The following POFUT3 variants were observed in gnomAD, a reference collection of about 807,000 sequenced individuals.
POFUT3 encodes the protein protein O-fucosyltransferase 3.
chr8:33,351,016 C>T, the POFUT3 span, among the ~76,000 whole-genome samples: 2 of 152,124 alleles, frequency 1.3e-5, no homozygotes, highest in East Asian at 1.9e-4. Context: ...CACTCTGTTG[C>T]CCAGGCTGGA....
the POFUT3 span, among the ~76,000 whole-genome samples, chr8:33,318,338 A>G: frequency 6.6e-6 from 1 of 150,850 alleles, no homozygotes; most frequent in Admixed American, 6.8e-5. Flanking sequence ...ATAAATATTT[A>G]TACAAATCCT....
At chr8:33,338,264 C>A in the POFUT3 span, among the ~76,000 whole-genome samples, 6 of 152,220 alleles carry the variant, frequency 3.9e-5, no homozygotes, top group South Asian at 1.2e-3. Context: ...AATCGGAAAT[C>A]AGAAACCTCC....
chr8:33,455,573 T>C, the POFUT3 span, among the ~76,000 whole-genome samples: 1 of 152,196 alleles, frequency 6.6e-6, no homozygotes, highest in African/African-American at 2.4e-5. Context: ...GCACTAATTA[T>C]AGAAATATGC....
the POFUT3 span, among the ~76,000 whole-genome samples, chr8:33,417,976 T>C: frequency 6.6e-6 from 1 of 152,236 alleles, no homozygotes; most frequent in African/African-American, 2.4e-5. Flanking sequence ...TCACGTGCCC[T>C]GATACTAACA....
the POFUT3 span, among the ~76,000 whole-genome samples, chr8:33,448,301 A>T: frequency 2.6e-5 from 4 of 152,236 alleles, no homozygotes; most frequent in African/African-American, 9.6e-5. Flanking sequence ...TTCTAACTCC[A>T]GTGACTCCTC....
chr8:33,399,843 G>C, the POFUT3 span, among the ~76,000 whole-genome samples: 4 of 151,716 alleles, frequency 2.6e-5, no homozygotes, highest in Admixed American at 6.6e-5. Flanking sequence ...TTGTAGAGAC[G>C]GGGTTTCACC....
the POFUT3 span, chr8:33,455,914 A>AC: frequency 2.3e-6 from 1 of 431,660 alleles, no homozygotes; most frequent in Non-Finnish European, 4.5e-6. Flanking sequence ...AAAAAAAAAA[A>AC]AAACCACTGA....
the POFUT3 span, among the ~76,000 whole-genome samples, chr8:33,403,292 G>A: frequency 2.6e-5 from 4 of 151,284 alleles, no homozygotes; most frequent in African/African-American, 4.9e-5. Flanking sequence ...GTGTGTGTAT[G>A]AGAGACAGTG....
At chr8:33,465,923 C>G in the POFUT3 span, among the ~76,000 whole-genome samples, 1 of 152,132 alleles carries the variant, frequency 6.6e-6, no homozygotes, top group Non-Finnish European at 1.5e-5. Flanking sequence ...ACAAAAGATA[C>G]AATTTGAGGA....
At chr8:33,470,236 C>CAAAAAAAAAAAAAAAAAAAAAAAAA in the POFUT3 span, among the ~76,000 whole-genome samples, 1 of 89,114 alleles carries the variant, frequency 1.1e-5, no homozygotes, top group African/African-American at 4.6e-5. Flanking sequence ...CCCATCTCTA[C>CAAAAAAAAAAAAAAAAAAAAAAAAA]AAAAAAAAAA....
the POFUT3 span, among the ~76,000 whole-genome samples, chr8:33,309,171 T>TATAC: frequency 1.8e-5 from 1 of 54,056 alleles, no homozygotes; most frequent in South Asian, 5.7e-4. Context: ...AAAAAAAATA[T>TATAC]ATATATATAT....
At chr8:33,469,736 C>T in the POFUT3 span, among the ~76,000 whole-genome samples, 9 of 151,398 alleles carry the variant, frequency 5.9e-5, no homozygotes, top group African/African-American at 1.7e-4. Context: ...ATCCAAAAGA[C>T]AGAGAGCCAG....
the POFUT3 span, among the ~76,000 whole-genome samples, chr8:33,425,322 A>G: frequency 6.6e-6 from 1 of 152,134 alleles, no homozygotes; most frequent in Non-Finnish European, 1.5e-5. Flanking sequence ...CAAGAGAACA[A>G]AACCCTTTCT....
the POFUT3 span, among the ~76,000 whole-genome samples, chr8:33,368,199 C>T: frequency 6.6e-6 from 1 of 152,134 alleles, no homozygotes; most frequent in Non-Finnish European, 1.5e-5. Context: ...AAGGTATCTG[C>T]TGGTCATGAC....
At chr8:33,381,952 G>A in the POFUT3 span, among the ~76,000 whole-genome samples, 4 of 152,092 alleles carry the variant, frequency 2.6e-5, no homozygotes, top group Non-Finnish European at 4.4e-5. Flanking sequence ...AATAATGCCC[G>A]AATCAGAGCG....
chr8:33,372,515 G>A, the POFUT3 span: 1 of 1,546,220 alleles, frequency 6.5e-7, no homozygotes, highest in East Asian at 2.3e-5. Context: ...CAAATATTAA[G>A]GCAACCTAGA....
the POFUT3 span, among the ~76,000 whole-genome samples, chr8:33,446,601 T>A: frequency 3.3e-5 from 5 of 152,156 alleles, no homozygotes; most frequent in Non-Finnish European, 7.4e-5. Flanking sequence ...GATGGTCCAT[T>A]GCTCAAGTGT....
chr8:33,342,771 G>A, the POFUT3 span, among the ~76,000 whole-genome samples: 1 of 152,148 alleles, frequency 6.6e-6, no homozygotes, highest in Non-Finnish European at 1.5e-5. Flanking sequence ...TAAATGTGCA[G>A]TTACCGTATG....
chr8:33,461,142 G>A, the POFUT3 span, among the ~76,000 whole-genome samples: 2 of 139,158 alleles, frequency 1.4e-5, no homozygotes, highest in African/African-American at 5.2e-5. Context: ...GCAACAGAGT[G>A]GTACTGTGTC....
Sources: allele counts gnomAD v4.1 joint callset (sites outside exome capture counted in the v4.1 genomes callset), GRCh38; gene constraint gnomAD v4.1.1; transcripts MANE v1.5; gene names NCBI Gene and HGNC (gene_info 2026-07-23, HGNC 2026-07-21).